Variants in TMEM231 observed in about 807,000 individuals in gnomAD.
TMEM231 encodes transmembrane protein 231.
TMEM231 carries 40 observed loss-of-function variants against 38.5 expected under a neutral mutation model. That is an observed-to-expected ratio of 1.04 (90% CI 0.81 to 1.35). TMEM231 has a LOEUF of 1.35. Ranked by LOEUF, TMEM231 falls within the 40% of genes most tolerant of loss-of-function variation. TMEM231 has a pLI of 0.00. For synonymous variants in TMEM231, 199 were observed against 181.7 expected (o/e 1.10, Z -0.77); for missense variants, 420 against 416.9 (o/e 1.01, Z -0.07).
Position 75,556,252 on chromosome 16 carries a change from T to C in TMEM231, c.-43A>G, listed in dbSNP as rs1193428403. 5.0e-6 allele frequency: 7 copies of C among 1,386,972 alleles called. No individual in the cohort carries two copies. The highest frequency in any genetic ancestry group is 1.5e-5 in the African/African-American group (1 of 66,106). The allele number at this position is 1,386,972 out of a possible 1,614,324, so 85.9% of individuals were successfully genotyped here. A position where few individuals can be genotyped will look rare whatever the true frequency, so the allele number is the denominator to read the frequency against. On this transcript the variant is annotated 5_prime_UTR_variant, in exon 1 of 7. Coordinates refer to ENST00000258173, the MANE Select transcript of TMEM231 (RefSeq NM_001077418.3). ...ACTCCGCGAGCCGGGGGACCAAGTTTGGCTTCTCCTGGTTGCCATCGCCTC... is the reference window on the plus strand; with the variant it reads ...ACTCCGCGAGCCGGGGGACCAAGTTCGGCTTCTCCTGGTTGCCATCGCCTC...
At chr16:75,548,719 A>G (rs963008699) in intron 2 of TMEM231, among the ~76,000 whole-genome samples, 2 of 152,116 alleles carry the variant, frequency 1.3e-5, no homozygotes, top group African/African-American at 4.8e-5. Flanking sequence ...AAATACAAAA[A>G]TTAGCTAGGC....
intron 2 of TMEM231, among the ~76,000 whole-genome samples, chr16:75,552,113 C>G (rs2080769299): frequency 6.6e-6 from 1 of 152,054 alleles, no homozygotes; most frequent in African/African-American, 2.4e-5. Context: ...TCCTTTGTGC[C>G]ATCAAACATG....
intron 2 of TMEM231, among the ~76,000 whole-genome samples, chr16:75,552,513 C>G (rs921672370): frequency 1.5e-4 from 23 of 152,078 alleles, no homozygotes; most frequent in African/African-American, 5.6e-4. Context: ...TTGGTCTGGG[C>G]CCTTAAGCAG....
chr16:75,556,129 C>A lies in TMEM231; in HGVS notation c.81G>T (p.Leu27=). The change falls in exon 1 of 7, where the codon CTG becomes CTT. Residue 27 remains leucine (L), a synonymous_variant. Coordinates refer to ENST00000258173, the MANE Select transcript of TMEM231 (RefSeq NM_001077418.3). ...TGTACGTGAGCGCAGCGGCCAGCAG[C>A]AGGAACAGCGCGGCTTTGGAGCAGA... ...AGLCSKAALF[L]LLAAALTYIP... 2 of 1,579,284 alleles carry A rather than the reference C, an allele frequency of 1.3e-6. No homozygotes were observed. The highest frequency in any genetic ancestry group is 1.7e-6 in the Non-Finnish European group (2 of 1,164,590).
In TMEM231 at chr16:75,539,457, T is replaced by C. The variant is rs1333125319; in HGVS notation, c.*537A>G. ...GCCTGTGCTAATGCGGCCCTTGCCCTTGGGCCCTGCCCCTCCAGGTCTCCA... is the reference window on the plus strand; with the variant it reads ...GCCTGTGCTAATGCGGCCCTTGCCCCTGGGCCCTGCCCCTCCAGGTCTCCA... On this transcript the variant is annotated 3_prime_UTR_variant, in exon 7 of 7. Transcript: ENST00000258173. 6.6e-6 allele frequency: 1 copy of C among 151,934 alleles called. No individual in the cohort carries two copies. The highest frequency in any genetic ancestry group is 1.9e-4 in the East Asian group (1 of 5,148). The allele number at this position is 151,934 out of a possible 1,614,324, so 9.4% of individuals were successfully genotyped here. A position where few individuals can be genotyped will look rare whatever the true frequency, so the allele number is the denominator to read the frequency against.
At position 75,539,835 on chromosome 16, in the gene TMEM231, G is replaced by A. The variant is rs1293890764; in HGVS notation, c.*159C>T. 2.4e-5 allele frequency: 13 copies of A among 545,588 alleles called. No individual in the cohort carries two copies. Among genetic ancestry groups the A allele is most frequent in the South Asian group, 3.4e-5 (1 of 29,264 alleles). The allele number at this position is 545,588 out of a possible 1,614,324, so 33.8% of individuals were successfully genotyped here. A position where few individuals can be genotyped will look rare whatever the true frequency, so the allele number is the denominator to read the frequency against. ...AATTCTGCAGGAGCTCTGAAGATAC[G>A]GAACTGTGTAGAGCAAAACCGGAAA... On this transcript the variant is annotated 3_prime_UTR_variant, in exon 7 of 7. Transcript: ENST00000258173.
Position 75,542,660 on chromosome 16 carries a change from G to A in TMEM231, c.606C>T (p.Ser202=). ...TGAGGTCGTAGTCATAGGCAAAGGGGCTGGTCCCGTTGATCACGGATATCT... is the reference window on the plus strand; with the variant it reads ...TGAGGTCGTAGTCATAGGCAAAGGGACTGGTCCCGTTGATCACGGATATCT... ...RYNISVINGT[S]PFAYDYDLTH... is the part of the protein sequence containing the mutation. Residue 202 remains serine, a synonymous_variant, in exon 5 of 7, where the codon AGC becomes AGT. Transcript: ENST00000258173. The A allele has an allele frequency of 1.2e-6, 2 of 1,613,894 alleles. No individual in the cohort carries two copies. Among genetic ancestry groups the A allele is most frequent in the Non-Finnish European group, 8.5e-7 (1 of 1,179,858 alleles).
chr16:75,540,433 C>T (rs944012887), intron 6 of TMEM231, among the ~76,000 whole-genome samples: 12 of 152,220 alleles, frequency 7.9e-5, no homozygotes, highest in Admixed American at 6.5e-5. Flanking sequence ...CTAGAGATAT[C>T]CTGAGCTGTT....
At chr16:75,546,983 T>C (rs2080700770) in intron 2 of TMEM231, among the ~76,000 whole-genome samples, 1 of 151,982 alleles carries the variant, frequency 6.6e-6, no homozygotes, top group Non-Finnish European at 1.5e-5. Flanking sequence ...AAAGACAAAA[T>C]ACAGCTTATG....
At chr16:75,551,192 G>C (rs964585706) in intron 2 of TMEM231, among the ~76,000 whole-genome samples, 6 of 152,056 alleles carry the variant, frequency 3.9e-5, no homozygotes, top group Non-Finnish European at 7.4e-5. Context: ...CTTTCTACCT[G>C]TATTTCTTTT....
At chr16:75,545,276 C>T (rs374864651) in intron 4 of TMEM231, 76 bp downstream of exon 4, 2 of 1,543,268 alleles carry the variant, frequency 1.3e-6, no homozygotes, top group Middle Eastern at 2.1e-4. Context: ...TTCTACTTTT[C>T]ATTCCCCTCT....
At chr16:75,552,291 T>C (rs1197693269) in intron 2 of TMEM231, among the ~76,000 whole-genome samples, 1 of 151,958 alleles carries the variant, frequency 6.6e-6, no homozygotes, top group Admixed American at 6.6e-5. Context: ...TCATCTATAC[T>C]AAAAATACAA....
At chr16:75,543,103 G>C (rs1435895450) in intron 4 of TMEM231, among the ~76,000 whole-genome samples, 1 of 151,940 alleles carries the variant, frequency 6.6e-6, no homozygotes, top group Non-Finnish European at 1.5e-5. Context: ...CCGTATTTTC[G>C]CCAGGTGTGG....
rs1316834798 is a variant in TMEM231, at chr16:75,549,907, C to T, written c.310-3953G>A. 2.6e-5 allele frequency among the ~76,000 whole-genome samples: 4 copies of T among 152,140 alleles called. No individual in the cohort carries two copies. The East Asian group carries it at 5.8e-4, about 22-fold the overall frequency. On this transcript the variant is annotated intron_variant, in intron 2 of 6. Coordinates refer to ENST00000258173, the MANE Select transcript of TMEM231 (RefSeq NM_001077418.3). ...CATTTTTAGTAGAGATGGGGTTTCA[C>T]CGTGTTGGCCAGGCTATTCTCAAAC...
chr16:75,552,671 T>C (rs1371428573), intron 2 of TMEM231, among the ~76,000 whole-genome samples: 5 of 152,186 alleles, frequency 3.3e-5, no homozygotes, highest in Non-Finnish European at 7.3e-5. Flanking sequence ...TCTTTTTAAT[T>C]GCATTTTTAT....
intron 2 of TMEM231, among the ~76,000 whole-genome samples, chr16:75,553,493 A>G (rs2080782679): frequency 6.6e-6 from 1 of 151,774 alleles, no homozygotes; most frequent in African/African-American, 2.4e-5. Flanking sequence ...GTGGTGGTGC[A>G]TGCCTGCAGT....
intron 2 of TMEM231, among the ~76,000 whole-genome samples, chr16:75,547,617 A>G (rs1255799343): frequency 2.0e-5 from 3 of 152,006 alleles, no homozygotes; most frequent in African/African-American, 7.2e-5. Flanking sequence ...CGTCTCTACT[A>G]AAAATACAAA....
intron 4 of TMEM231, 46 bp downstream of exon 4, chr16:75,545,306 G>C: frequency 6.3e-7 from 1 of 1,590,236 alleles, no homozygotes; most frequent in Non-Finnish European, 8.6e-7. Context: ...TTAATGAACA[G>C]TAACACAGAG....
intron 6 of TMEM231, 111 bp from the exon 7 acceptor site, chr16:75,540,285 T>A (rs190981067): frequency 9.5e-7 from 1 of 1,056,724 alleles, no homozygotes; most frequent in Non-Finnish European, 1.3e-6. Context: ...ACCTCTGTCA[T>A]GTACACACCC....
Sources: gnomAD v4.1 joint callset for allele counts (sites outside exome capture counted in the v4.1 genomes callset) on GRCh38, gnomAD v4.1.1 for gene constraint, MANE v1.5 for transcripts, NCBI Gene and HGNC (gene_info 2026-07-23, HGNC 2026-07-21) for gene names.